The following HERC4 variants were observed in gnomAD, a reference collection of about 807,000 sequenced individuals.
HERC4 encodes probable E3 ubiquitin-protein ligase HERC4.
A neutral mutation model predicts 124.3 loss-of-function variants in HERC4; 28 were observed. The ratio of observed to expected loss-of-function variants is 0.23; its 90% confidence interval spans 0.17 to 0.31. HERC4 has a LOEUF of 0.31. Among genes scored for constraint, HERC4 ranks in the 10% least tolerant of loss-of-function variants. HERC4 has a pLI of 1.00. For missense variants in HERC4, 713 were observed against 1,229.3 expected (o/e 0.58, Z 6.28); for synonymous variants, 407 against 421.5 (o/e 0.97, Z 0.42).
chr10:67,936,284 T>C (rs1211506562), intron 21 of HERC4, 49 bp from the exon 22 acceptor site: 8 of 1,051,618 alleles, frequency 7.6e-6, no homozygotes, highest in African/African-American at 1.6e-5. Context: ...TCAAAACTTA[T>C]AATAATCTAT....
chr10:68,015,628 T>C (rs2038217102), intron 8 of HERC4, among the ~76,000 whole-genome samples: 1 of 152,192 alleles, frequency 6.6e-6, no homozygotes, highest in Admixed American at 6.5e-5. Context: ...GTTTTCAAGT[T>C]AGCTAGTCTG....
chr10:68,066,960 T>A (rs1325126357), intron 3 of HERC4: 4 of 152,584 alleles, frequency 2.6e-5, no homozygotes, highest in Admixed American at 1.3e-4. Context: ...ACAGAAGATA[T>A]TACTGTAAAT....
intron 9 of HERC4, among the ~76,000 whole-genome samples, chr10:68,003,327 A>ATT (rs1564533956): frequency 5.7e-5 from 5 of 88,098 alleles, no homozygotes; most frequent in African/African-American, 1.5e-4. Context: ...ATGCCTGACT[A>ATT]ATTTTTTTTT....
At chr10:67,956,765 C>T in intron 17 of HERC4, 113 bp downstream of exon 17, 1 of 553,260 alleles carries the variant, frequency 1.8e-6, no homozygotes, top group South Asian at 3.3e-5. Flanking sequence ...TTATAGCTAC[C>T]CAAAGTACTT....
intron 9 of HERC4, among the ~76,000 whole-genome samples, chr10:68,002,841 G>A (rs932206656): frequency 6.6e-6 from 1 of 151,920 alleles, no homozygotes; most frequent in African/African-American, 2.4e-5. Flanking sequence ...CTCAAGTGAT[G>A]TGCATACCTT....
chr10:67,957,421 T>C (rs2034211703), intron 16 of HERC4, among the ~76,000 whole-genome samples: 1 of 152,198 alleles, frequency 6.6e-6, no homozygotes. Flanking sequence ...GTATCAAAAT[T>C]ATTATGAGTC....
At chr10:68,073,445 G>T (rs1049038783) in intron 2 of HERC4, among the ~76,000 whole-genome samples, 1 of 152,066 alleles carries the variant, frequency 6.6e-6, no homozygotes, top group Non-Finnish European at 1.5e-5. Flanking sequence ...TTGACTTCTG[G>T]TTATCTTGTG....
intron 4 of HERC4, chr10:68,039,605 G>C (rs922713033): frequency 1.4e-6 from 2 of 1,431,044 alleles, no homozygotes; most frequent in East Asian, 2.5e-5. Flanking sequence ...CCTGAGAGCT[G>C]TACTGCTACA....
chr10:68,035,698 C>G (rs1203710158), intron 5 of HERC4, among the ~76,000 whole-genome samples: 1 of 152,164 alleles, frequency 6.6e-6, no homozygotes, highest in African/African-American at 2.4e-5. Context: ...CAGTCACTCA[C>G]TATACTCTAG....
In HERC4 at chr10:67,950,987, G is replaced by A. The variant is rs543490323; in HGVS notation, c.2337+3608C>T. Reference sequence around the variant, plus strand: ...ACAAGATAAACCTGGAATGTTTACCGTACCAAATGTAAGGAAATGCTTGAA... The same window carrying A: ...ACAAGATAAACCTGGAATGTTTACCATACCAAATGTAAGGAAATGCTTGAA... On this transcript the variant is annotated intron_variant, in intron 19 of 24. Transcript: ENST00000373700. Among the ~76,000 whole-genome samples, 11 of 151,402 alleles carry A rather than the reference G, an allele frequency of 7.3e-5. No individual in the cohort carries two copies. In the East Asian group the frequency reaches 9.7e-4, roughly 13 times the overall value.
Position 67,923,087 on chromosome 10 carries a change from T to A in HERC4, c.2994A>T (p.Lys998Asn), listed in dbSNP as rs1303240324. ...RIPILGMKSL[K>N]LVIQSTGGGE... ...CACCTCCTGTGGACTGGATGACTAG[T>A]TTCAGACTCTTCATACCAAGAATAG... The change falls in exon 25 of 25, where the codon AAA becomes AAT. Residue 998 changes from lysine to asparagine, a missense_variant. Coordinates refer to ENST00000373700, the MANE Select transcript of HERC4 (RefSeq NM_015601.4). The A allele has an allele frequency of 6.2e-7, 1 of 1,613,934 alleles. No homozygotes were observed. The highest frequency in any genetic ancestry group is 1.1e-5 in the South Asian group (1 of 91,076).
At chr10:68,045,797 AG>A (rs2039987349) in intron 3 of HERC4, among the ~76,000 whole-genome samples, 3 of 152,236 alleles carry the variant, frequency 2.0e-5, no homozygotes, top group Admixed American at 2.0e-4. Context: ...TGGATCAATC[AG>A]GGTTTCTTCA....
intron 8 of HERC4, among the ~76,000 whole-genome samples, chr10:68,015,736 C>T (rs1212679132): frequency 2.0e-5 from 3 of 152,156 alleles, no homozygotes; most frequent in Admixed American, 1.3e-4. Context: ...CTCCTCCTCA[C>T]ACTGGACTAA....
intron 7 of HERC4, among the ~76,000 whole-genome samples, chr10:68,030,873 T>C (rs746684356): frequency 6.6e-6 from 1 of 152,222 alleles, no homozygotes; most frequent in Non-Finnish European, 1.5e-5. Context: ...GTCTTTCCAT[T>C]TATTCTGTTT....
At chr10:67,938,237 T>C (rs58474103) in intron 21 of HERC4, among the ~76,000 whole-genome samples, 13,591 of 151,190 alleles carry the variant, frequency 0.09, 1,642 homozygotes, top group African/African-American at 0.28. Context: ...GGTCAAGAGA[T>C]TGGGACCATC....
chr10:67,953,803 AG>A (rs2033967336), intron 19 of HERC4, among the ~76,000 whole-genome samples: 1 of 152,220 alleles, frequency 6.6e-6, no homozygotes, highest in Non-Finnish European at 1.5e-5. Context: ...TTCTCTATAC[AG>A]AAGTATCCAA....
At chr10:68,021,252 T>C (rs778493872) in intron 8 of HERC4, among the ~76,000 whole-genome samples, 5 of 152,188 alleles carry the variant, frequency 3.3e-5, no homozygotes, top group Non-Finnish European at 7.4e-5. Flanking sequence ...AGCAGCACAC[T>C]AAAAGGGTTA....
intron 3 of HERC4, among the ~76,000 whole-genome samples, chr10:68,056,407 G>A (rs1302791649): frequency 6.6e-6 from 1 of 152,140 alleles, no homozygotes; most frequent in Non-Finnish European, 1.5e-5. Context: ...TTTCACTGTG[G>A]TTTTAGCAAA....
rs371554143 is a variant in HERC4 at position 67,939,632 on chromosome 10, A to G, written c.2527T>C (p.Tyr843His). Reference protein sequence around the residue: ...VGRSMQQLLDYPEDDIEETFC... With the variant: ...VGRSMQQLLDHPEDDIEETFC... ...GTTTCCTCTATGTCATCTTCTGGAT[A>G]ATCCAGTAACTGTTGCATGCTTCTG... is the stretch of plus-strand genomic sequence containing the variant. Residue 843 changes from tyrosine to histidine, a missense_variant, in exon 21 of 25, where the codon TAT becomes CAT. Tyr to His is a moderately conservative substitution (Grantham distance 83, BLOSUM62 2). Transcript: ENST00000373700. 3 of 1,608,966 alleles carry G rather than the reference A, an allele frequency of 1.9e-6. No individual in the cohort carries two copies. The highest frequency in any genetic ancestry group is 2.5e-6 in the Non-Finnish European group (3 of 1,177,798).
Sources: allele counts gnomAD v4.1 joint callset (sites outside exome capture counted in the v4.1 genomes callset), GRCh38; gene constraint gnomAD v4.1.1; transcripts MANE v1.5; gene names NCBI Gene and HGNC (gene_info 2026-07-23, HGNC 2026-07-21).